EYS: variants seen among roughly 807,000 people sequenced by gnomAD.
EYS encodes the protein EGF-like photoreceptor maintenance factor, also known as protein eyes shut homolog.
In EYS, 250 loss-of-function variants were observed where a neutral mutation model predicts 282.1. The observed-to-expected ratio is 0.89, with a 90% confidence interval of 0.80 to 0.98. The LOEUF (loss-of-function observed/expected upper bound fraction) is 0.98, where lower values mean the gene tolerates loss of function less well. Among genes scored for constraint, EYS ranks in the 50% least tolerant of loss-of-function variants. The pLI is 0.00. For synonymous variants in EYS, 1,355 were observed against 1,282.9 expected (o/e 1.06, Z -1.20); for missense variants, 4,016 against 3,709.0 (o/e 1.08, Z -2.15).
intron 31 of EYS, among the ~76,000 whole-genome samples, chr6:64,136,009 ACTT>A (rs1238365352): frequency 6.6e-6 from 1 of 152,058 alleles, no homozygotes; most frequent in Non-Finnish European, 1.5e-5. Context: ...CCACAGGAGA[ACTT>A]CTTTCAAAAC....
At chr6:64,569,748 A>G (rs978362113) in intron 26 of EYS, among the ~76,000 whole-genome samples, 2 of 152,128 alleles carry the variant, frequency 1.3e-5, no homozygotes, top group African/African-American at 4.8e-5. Context: ...TTCAAAAAAA[A>G]AAGAATGAAA....
intron 2 of EYS, among the ~76,000 whole-genome samples, chr6:65,541,931 T>C (rs914772936): frequency 2.6e-5 from 4 of 152,118 alleles, no homozygotes; most frequent in Non-Finnish European, 5.9e-5. Context: ...GAACCTGGAA[T>C]GATAGAAGGT....
intron 12 of EYS, among the ~76,000 whole-genome samples, chr6:65,185,093 A>G (rs1765486297): frequency 1.3e-5 from 2 of 151,800 alleles, no homozygotes; most frequent in South Asian, 4.1e-4. Flanking sequence ...CAAATGTTAT[A>G]TATTGATATA....
intron 12 of EYS, among the ~76,000 whole-genome samples, chr6:65,231,796 C>G (rs752312530): frequency 1.3e-5 from 2 of 151,526 alleles, no homozygotes; most frequent in Non-Finnish European, 3.0e-5. Context: ...GAGAAATATG[C>G]AACTATGCAG....
At chr6:63,910,994 G>A (rs1480903668) in intron 35 of EYS, among the ~76,000 whole-genome samples, 1 of 152,038 alleles carries the variant, frequency 6.6e-6, no homozygotes, top group African/African-American at 2.4e-5. Flanking sequence ...CTTGATTCTG[G>A]TTTCCCAAAA....
chr6:65,219,782 G>T lies in EYS; in HGVS notation c.2023+76081C>A, dbSNP rs1766412488. ...GTTGGGGAATTCTCACAATCATGGT[G>T]GGAGGCAAAAGGTACATCTTACATG... On this transcript the variant is annotated intron_variant, in intron 12 of 42. Transcript: ENST00000503581. Among the ~76,000 whole-genome samples the T allele has an allele frequency of 2.6e-5, 4 of 152,104 alleles. No individual in the cohort carries two copies. In the South Asian group the frequency reaches 6.2e-4, roughly 24 times the overall value.
intron 2 of EYS, among the ~76,000 whole-genome samples, chr6:65,564,452 G>A (rs965174259): frequency 1.3e-5 from 2 of 151,988 alleles, no homozygotes; most frequent in Non-Finnish European, 2.9e-5. Context: ...CAGAACAGAG[G>A]CCTCAGAAGT....
At chr6:65,443,188 CAT>C (rs1768451360) in intron 5 of EYS, among the ~76,000 whole-genome samples, 1 of 151,614 alleles carries the variant, frequency 6.6e-6, no homozygotes, top group Non-Finnish European at 1.5e-5. Context: ...ACATCATATA[CAT>C]ATGTGCGCAC....
At chr6:64,996,314 T>C (rs1391179371) in intron 14 of EYS, among the ~76,000 whole-genome samples, 1 of 152,156 alleles carries the variant, frequency 6.6e-6, no homozygotes, top group African/African-American at 2.4e-5. Context: ...TTAATAGTGA[T>C]AGTCTAATCA....
chr6:65,291,732 T>G (rs1768531888), intron 12 of EYS, among the ~76,000 whole-genome samples: 1 of 151,600 alleles, frequency 6.6e-6, no homozygotes, highest in Non-Finnish European at 1.5e-5. Flanking sequence ...CTTTGGAGTC[T>G]ACTAAAAGAG....
chr6:65,459,640 TG>T (rs57426407), intron 5 of EYS, among the ~76,000 whole-genome samples: 28,238 of 151,574 alleles, frequency 0.19, 3,254 homozygotes, highest in Middle Eastern at 0.3. Context: ...ACCTGGTAGA[TG>T]TTTGATAAAT....
chr6:65,514,824 A>T (rs539019519), intron 2 of EYS, among the ~76,000 whole-genome samples: 6 of 152,178 alleles, frequency 3.9e-5, no homozygotes, highest in Non-Finnish European at 8.8e-5. Context: ...ATAGACCTAA[A>T]ACCATAAAAA....
intron 33 of EYS, among the ~76,000 whole-genome samples, chr6:64,064,632 G>A (rs925947209): frequency 2.0e-5 from 3 of 152,094 alleles, no homozygotes; most frequent in African/African-American, 7.2e-5. Flanking sequence ...TATTTTACAG[G>A]TTGTTTTTTT....
rs770986856 is a variant in EYS at position 65,003,744 on chromosome 6, G to A, written c.2138-6041C>T. 6.1e-4 allele frequency among the ~76,000 whole-genome samples: 90 copies of A among 147,306 alleles called. 13 individuals carry two copies. The highest frequency in any genetic ancestry group is 1.1e-3 in the Non-Finnish European group (71 of 65,824). ...TTAAGGAAAATAGAAAAGAACCTAC[G>A]TGAATATCAGGGCAGGTTACCTGAT... On this transcript the variant is annotated intron_variant, in intron 13 of 42. Coordinates refer to ENST00000503581, the MANE Select transcript of EYS (RefSeq NM_001142800.2).
intron 2 of EYS, among the ~76,000 whole-genome samples, chr6:65,588,171 G>A (rs534537770): frequency 3.9e-5 from 6 of 151,952 alleles, no homozygotes; most frequent in Admixed American, 3.9e-4. Context: ...TGTATCACAT[G>A]CCATCACTGA....
intron 26 of EYS, among the ~76,000 whole-genome samples, chr6:64,578,720 T>C (rs1765967883): frequency 6.6e-6 from 1 of 152,036 alleles, no homozygotes; most frequent in Admixed American, 6.6e-5. Flanking sequence ...TTTTCTTGTT[T>C]AGCAATGTAT....
intron 13 of EYS, among the ~76,000 whole-genome samples, chr6:65,009,239 C>G (rs1198503621): frequency 6.6e-6 from 1 of 152,036 alleles, no homozygotes; most frequent in African/African-American, 2.4e-5. Context: ...ACCTGAGGCC[C>G]AACAAGAACT....
intron 11 of EYS, among the ~76,000 whole-genome samples, chr6:65,317,820 TCC>T: frequency 3.6e-5 from 2 of 55,628 alleles, no homozygotes; most frequent in African/African-American, 1.1e-4. Flanking sequence ...CTTCCTTCCT[TCC>T]TTCCTTTCTT....
intron 26 of EYS, among the ~76,000 whole-genome samples, chr6:64,448,139 A>G (rs923016612): frequency 6.6e-6 from 1 of 152,180 alleles, no homozygotes; most frequent in Non-Finnish European, 1.5e-5. Context: ...GCACCTGGAA[A>G]ATCGGGTAAC....
Sources: gnomAD v4.1 joint callset for allele counts (sites outside exome capture counted in the v4.1 genomes callset) on GRCh38, gnomAD v4.1.1 for gene constraint, MANE v1.5 for transcripts, NCBI Gene and HGNC (gene_info 2026-07-23, HGNC 2026-07-21) for gene names.